Variants in STXBP5L observed in about 807,000 individuals in gnomAD.
The protein encoded by STXBP5L is syntaxin binding protein 5L.
Under a neutral mutation model 144.5 loss-of-function variants are expected in STXBP5L, and 65 were observed. That is an observed-to-expected ratio of 0.45 (90% CI 0.37 to 0.55). The LOEUF (loss-of-function observed/expected upper bound fraction) is 0.55. Among genes scored for constraint, STXBP5L ranks in the 20% least tolerant of loss-of-function variants. The probability of loss-of-function intolerance (pLI) is 0.00; values close to 1 mark genes in which losing one functional copy is unlikely to be tolerated. For synonymous variants in STXBP5L, 505 were observed against 469.6 expected, an observed-to-expected ratio of 1.08 and a Z score of -0.97; for missense variants, 1,298 against 1,405.5, an observed-to-expected ratio of 0.92 and a Z score of 1.22.
chr3:121,181,419 C>T lies in STXBP5L; in HGVS notation c.877+23792C>T, dbSNP rs954870201. Among the ~76,000 whole-genome samples, 43 of 152,124 alleles carry T rather than the reference C, an allele frequency of 2.8e-4. 2 individuals are homozygous for T. Among genetic ancestry groups the T allele is most frequent in the Non-Finnish European group, 5.9e-5 (4 of 68,024 alleles). On this transcript the variant is annotated intron_variant, in intron 9 of 26. Coordinates refer to ENST00000471454, the MANE Select transcript of STXBP5L (RefSeq NM_001308330.2). Reference sequence around the variant, plus strand: ...GCCTAAGGGCCCCACTTAAAAGATACAAAATGGCAGAATGGATAAAACCTC... The same window carrying T: ...GCCTAAGGGCCCCACTTAAAAGATATAAAATGGCAGAATGGATAAAACCTC...
chr3:121,011,131 C>T (rs2108133107), intron 3 of STXBP5L, among the ~76,000 whole-genome samples: 1 of 150,376 alleles, frequency 6.6e-6, no homozygotes, highest in South Asian at 2.1e-4. Context: ...GTAGTTACAG[C>T]ATCTCAACCT....
intron 3 of STXBP5L, among the ~76,000 whole-genome samples, chr3:121,006,166 A>G (rs1944281381): frequency 1.3e-5 from 2 of 152,062 alleles, no homozygotes; most frequent in Admixed American, 1.3e-4. Flanking sequence ...AAAGTCTCCC[A>G]TTATTTTTGT....
chr3:121,275,625 G>T (rs1206708680), intron 18 of STXBP5L, among the ~76,000 whole-genome samples: 1 of 151,968 alleles, frequency 6.6e-6, no homozygotes, highest in Non-Finnish European at 1.5e-5. Context: ...TATTAAAAGA[G>T]GAATGTTTGC....
At chr3:120,996,976 C>G (rs948226690) in intron 3 of STXBP5L, among the ~76,000 whole-genome samples, 1 of 152,078 alleles carries the variant, frequency 6.6e-6, no homozygotes, top group African/African-American at 2.4e-5. Flanking sequence ...GAAGTAGGCA[C>G]TGGTGTTTCA....
intron 2 of STXBP5L, among the ~76,000 whole-genome samples, chr3:120,954,054 T>C (rs1250010927): frequency 6.6e-6 from 1 of 152,156 alleles, no homozygotes; most frequent in Non-Finnish European, 1.5e-5. Context: ...ATTTGACAGT[T>C]ATCATTCACT....
intron 3 of STXBP5L, among the ~76,000 whole-genome samples, chr3:121,035,451 A>T (rs950183407): frequency 2.6e-5 from 4 of 152,142 alleles, no homozygotes; most frequent in Admixed American, 2.6e-4. Context: ...TCCCAGCACC[A>T]TTTATTGAAA....
intron 8 of STXBP5L, 97 bp from the exon 9 acceptor site, chr3:121,157,407 A>T: frequency 7.9e-7 from 1 of 1,262,290 alleles, no homozygotes; most frequent in East Asian, 3.1e-5. Context: ...TGTTAGTATA[A>T]TAATTTTATA....
intron 3 of STXBP5L, among the ~76,000 whole-genome samples, chr3:121,011,726 C>T (rs951207223): frequency 2.7e-5 from 4 of 150,734 alleles, no homozygotes; most frequent in African/African-American, 9.7e-5. Context: ...GCCCCTTTCC[C>T]ATCCAAAGCT....
At chr3:121,135,964 A>G (rs1244029560) in intron 7 of STXBP5L, among the ~76,000 whole-genome samples, 1 of 152,188 alleles carries the variant, frequency 6.6e-6, no homozygotes, top group East Asian at 1.9e-4. Context: ...GCCAGACAGG[A>G]ACCCATGGCC....
At chr3:121,322,592 C>G (rs2044010449) in intron 20 of STXBP5L, among the ~76,000 whole-genome samples, 1 of 150,836 alleles carries the variant, frequency 6.6e-6, no homozygotes, top group South Asian at 2.1e-4. Context: ...TGGTTAATTC[C>G]ACGTCTTTTC....
intron 9 of STXBP5L, among the ~76,000 whole-genome samples, chr3:121,204,889 T>C (rs891394685): frequency 2.0e-5 from 3 of 152,152 alleles, no homozygotes; most frequent in African/African-American, 7.2e-5. Context: ...TTCAAAATCT[T>C]AGGGAGTCTA....
chr3:120,978,416 C>G (rs1267292489), intron 3 of STXBP5L, among the ~76,000 whole-genome samples: 5 of 152,202 alleles, frequency 3.3e-5, no homozygotes, highest in African/African-American at 9.7e-5. Context: ...AAGCACTTCT[C>G]TGTATTGGTT....
chr3:121,212,799 T>G (rs1346911087), intron 10 of STXBP5L, among the ~76,000 whole-genome samples: 1 of 152,210 alleles, frequency 6.6e-6, no homozygotes, highest in African/African-American at 2.4e-5. Flanking sequence ...ATAAAGTATT[T>G]TGAGCAGTGT....
intron 5 of STXBP5L, among the ~76,000 whole-genome samples, chr3:121,076,719 G>A (rs977801975): frequency 6.6e-6 from 1 of 152,146 alleles, no homozygotes; most frequent in Non-Finnish European, 1.5e-5. Context: ...CTCAGTTTCT[G>A]TGGAGTTAGG....
At chr3:121,162,028 A>G (rs1474863576) in intron 9 of STXBP5L, among the ~76,000 whole-genome samples, 1 of 152,192 alleles carries the variant, frequency 6.6e-6, no homozygotes, top group Non-Finnish European at 1.5e-5. Context: ...TATTACATGT[A>G]ACAGTAGAAT....
intron 5 of STXBP5L, among the ~76,000 whole-genome samples, chr3:121,074,908 C>T (rs1248446437): frequency 3.3e-5 from 5 of 152,160 alleles, no homozygotes; most frequent in Non-Finnish European, 7.3e-5. Context: ...TGAAGTAAGG[C>T]CTCTGTTACT....
intron 19 of STXBP5L, among the ~76,000 whole-genome samples, chr3:121,311,784 T>A (rs1306226082): frequency 6.6e-6 from 1 of 152,142 alleles, no homozygotes. Flanking sequence ...AATTTATAGA[T>A]TCAATGCCAT....
intron 3 of STXBP5L, among the ~76,000 whole-genome samples, chr3:120,959,886 A>G (rs1938550946): frequency 6.6e-6 from 1 of 152,182 alleles, no homozygotes; most frequent in Non-Finnish European, 1.5e-5. Context: ...AATGGCAACA[A>G]AAGCCAAAAT....
At chr3:121,131,588 G>A (rs1334765765) in intron 7 of STXBP5L, among the ~76,000 whole-genome samples, 1 of 151,934 alleles carries the variant, frequency 6.6e-6, no homozygotes, top group African/African-American at 2.4e-5. Flanking sequence ...TTTACTGTTT[G>A]GCCTATTACA....
Sources: gnomAD v4.1 joint callset for allele counts (sites outside exome capture counted in the v4.1 genomes callset) on GRCh38, gnomAD v4.1.1 for gene constraint, MANE v1.5 for transcripts, NCBI Gene and HGNC (gene_info 2026-07-23, HGNC 2026-07-21) for gene names.